NRXN3: variants seen among roughly 807,000 people sequenced by gnomAD.
NRXN3 encodes neurexin III.
NRXN3 carries 32 observed loss-of-function variants against 137.6 expected under a neutral mutation model. That is an observed-to-expected ratio of 0.23 (90% confidence interval 0.18 to 0.31). NRXN3 has a LOEUF of 0.31. Among genes scored for constraint, NRXN3 ranks in the 10% least tolerant of loss-of-function variants. The probability of loss-of-function intolerance (pLI) is 1.00; values close to 1 mark genes in which losing one functional copy is unlikely to be tolerated. For synonymous variants in NRXN3, 798 were observed against 784.5 expected (o/e 1.02, Z -0.29); for missense variants, 1,574 against 2,062.5 (o/e 0.76, Z 4.59).
At chr14:79,842,877 A>C (rs2099359133) in intron 20 of NRXN3, among the ~76,000 whole-genome samples, 1 of 152,028 alleles carries the variant, frequency 6.6e-6, no homozygotes, top group Non-Finnish European at 1.5e-5. Flanking sequence ...TCTCTCACCT[A>C]CATGTCATTT....
At chr14:78,851,606 C>G (rs2099042854) in intron 10 of NRXN3, among the ~76,000 whole-genome samples, 1 of 152,156 alleles carries the variant, frequency 6.6e-6, no homozygotes, top group African/African-American at 2.4e-5. Context: ...GGCAGGCTGG[C>G]AGCCAGGAGA....
chr14:78,200,755 T>A (rs1240486935), intron 1 of NRXN3, among the ~76,000 whole-genome samples: 1 of 152,226 alleles, frequency 6.6e-6, no homozygotes, highest in Non-Finnish European at 1.5e-5. Context: ...GGTTCTCCAA[T>A]ATCTCAGGCA....
chr14:79,688,811 C>T (rs1264508810), intron 17 of NRXN3, among the ~76,000 whole-genome samples: 1 of 152,094 alleles, frequency 6.6e-6, no homozygotes, highest in African/African-American at 2.4e-5. Flanking sequence ...ATATTAGAGC[C>T]AGTGGTCCAA....
intron 10 of NRXN3, among the ~76,000 whole-genome samples, chr14:78,845,602 T>C (rs1413078230): frequency 3.9e-5 from 6 of 152,060 alleles, no homozygotes; most frequent in African/African-American, 1.4e-4. Flanking sequence ...TTTCATTCAA[T>C]GAACTACAGT....
In NRXN3 at chr14:79,861,014, T is replaced by G; in HGVS notation, c.4094-328T>G. ...GAGTTGTTTACAAATATACTAATTGTTTTTCTTTTTCTTTTCCATCCCAGG... is the reference window on the plus strand; with the variant it reads ...GAGTTGTTTACAAATATACTAATTGGTTTTCTTTTTCTTTTCCATCCCAGG... On this transcript the variant is annotated intron_variant, in intron 20 of 20. Transcript: ENST00000335750. The surrounding 1 kb of genome is among the most constrained non-coding windows in gnomAD (Gnocchi z 5.4). 7.4e-7 allele frequency: 1 copy of G among 1,351,178 alleles called. No homozygotes were observed. The highest frequency in any genetic ancestry group is 9.7e-7 in the Non-Finnish European group (1 of 1,034,214). The allele number at this position is 1,351,178 out of a possible 1,614,324, so 83.7% of individuals were successfully genotyped here. A position where few individuals can be genotyped will look rare whatever the true frequency, so the allele number is the denominator to read the frequency against.
At chr14:78,522,318 G>A (rs1203634593) in intron 4 of NRXN3, among the ~76,000 whole-genome samples, 2 of 152,148 alleles carry the variant, frequency 1.3e-5, no homozygotes, top group African/African-American at 4.8e-5. Flanking sequence ...ACCATGATAT[G>A]TCAGAGCCAT....
intron 8 of NRXN3, among the ~76,000 whole-genome samples, chr14:78,756,658 CTT>C (rs1234035200): frequency 3.3e-5 from 5 of 150,250 alleles, no homozygotes; most frequent in African/African-American, 9.8e-5. Flanking sequence ...TAAAAATTGA[CTT>C]TGTTTAAAAA....
chr14:79,214,192 A>G (rs758243586), intron 15 of NRXN3, among the ~76,000 whole-genome samples: 1 of 152,220 alleles, frequency 6.6e-6, no homozygotes, highest in Non-Finnish European at 1.5e-5. Flanking sequence ...TTACTCTCTC[A>G]TAGAATATAT....
chr14:78,531,507 T>C (rs776109527), intron 4 of NRXN3, among the ~76,000 whole-genome samples: 2 of 152,180 alleles, frequency 1.3e-5, no homozygotes, highest in Non-Finnish European at 2.9e-5. Flanking sequence ...GAATTCAAGT[T>C]TTACCCAGAA....
intron 19 of NRXN3, among the ~76,000 whole-genome samples, chr14:79,752,309 T>C (rs1353433832): frequency 6.6e-6 from 1 of 152,118 alleles, no homozygotes; most frequent in African/African-American, 2.4e-5. Context: ...TTTTGGTTAC[T>C]GCAGCCTATA....
intron 1 of NRXN3, among the ~76,000 whole-genome samples, chr14:78,193,654 C>T (rs1239753588): frequency 6.6e-6 from 1 of 150,798 alleles, no homozygotes; most frequent in Non-Finnish European, 1.5e-5. Flanking sequence ...TCCAGCTACT[C>T]AGGAGGCTGA....
Position 79,861,385 on chromosome 14 carries a change from A to C in NRXN3, c.4137A>C (p.Ala1379=). 4 of 1,536,256 alleles carry C rather than the reference A, an allele frequency of 2.6e-6. No homozygotes were observed. The highest frequency in any genetic ancestry group is 3.5e-6 in the Non-Finnish European group (4 of 1,146,948). ...CAATCTTCGAAGGTGGCTACAAAGC[A>C]CATGCGCCCAAGTGGGAATCCAAGG... The part of the protein sequence containing the change: ...STSIFEGGYK[A]HAPKWESKDF... Residue 1379 remains alanine, a synonymous_variant, in exon 21 of 21, where the codon GCA becomes GCC. Coordinates refer to ENST00000335750, the MANE Select transcript of NRXN3 (RefSeq NM_001330195.2). This position sits in a 1 kb window ranked among gnomAD's most constrained non-coding sequence, Gnocchi z 5.4.
chr14:78,778,987 G>A (rs887426276), intron 8 of NRXN3, among the ~76,000 whole-genome samples: 9 of 151,746 alleles, frequency 5.9e-5, no homozygotes, highest in African/African-American at 2.2e-4. Context: ...CTCTGTCGTG[G>A]TGAGTCCACT....
At chr14:78,742,258 G>A (rs1358450455) in intron 8 of NRXN3, among the ~76,000 whole-genome samples, 2 of 152,144 alleles carry the variant, frequency 1.3e-5, no homozygotes, top group East Asian at 3.9e-4. Flanking sequence ...ACAAGCCTAC[G>A]TGCTTTCTCC....
chr14:79,308,388 G>A lies in NRXN3; in HGVS notation c.3263-158833G>A, dbSNP rs575851502. On this transcript the variant is annotated intron_variant, in intron 15 of 20. Transcript: ENST00000335750. ...TAACTGCCTGCCTTTCTGATTGCTC[G>A]TTACACTTGAAGGACTTAGGATGCT... Among the ~76,000 whole-genome samples, 13 of 152,142 alleles carry A rather than the reference G, an allele frequency of 8.5e-5. No homozygotes were observed. In the South Asian group the frequency reaches 2.3e-3, roughly 27 times the overall value.
At chr14:78,441,216 G>A (rs2094234799) in intron 4 of NRXN3, among the ~76,000 whole-genome samples, 1 of 152,154 alleles carries the variant, frequency 6.6e-6, no homozygotes, top group African/African-American at 2.4e-5. Flanking sequence ...TTCCCCCTGT[G>A]ACATGGTGAG....
At chr14:79,103,368 G>A (rs918379974) in intron 15 of NRXN3, among the ~76,000 whole-genome samples, 5 of 152,198 alleles carry the variant, frequency 3.3e-5, no homozygotes, top group Admixed American at 3.3e-4. Flanking sequence ...TGCAATGACT[G>A]TAAGGTTCTT....
At chr14:79,201,129 A>G (rs2065938914) in intron 15 of NRXN3, 1 of 152,098 alleles carries the variant, frequency 6.6e-6, no homozygotes, top group Non-Finnish European at 1.5e-5. Context: ...TACTGATGTC[A>G]AGTTTGCCTA....
chr14:78,643,683 C>T lies in NRXN3; in HGVS notation c.758-1437C>T, dbSNP rs1021457779. 2.6e-5 allele frequency among the ~76,000 whole-genome samples: 4 copies of T among 152,312 alleles called. No individual in the cohort carries two copies. The South Asian group carries it at 8.3e-4, about 32-fold the overall frequency. On this transcript the variant is annotated intron_variant, in intron 4 of 20. Coordinates refer to ENST00000335750, the MANE Select transcript of NRXN3 (RefSeq NM_001330195.2). ...CAACCCCTAGTCCTCAACCCATGGT[C>T]TACTCCCTTCTCTTCCCACCTTTGG...
Sources: allele counts gnomAD v4.1 joint callset (sites outside exome capture counted in the v4.1 genomes callset), GRCh38; gene constraint gnomAD v4.1.1; non-coding constraint Gnocchi (gnomAD v3.1); transcripts MANE v1.5; gene names NCBI Gene and HGNC (gene_info 2026-07-23, HGNC 2026-07-21).